Variants in ADCY5 observed in about 807,000 individuals in gnomAD.
ADCY5 encodes the protein adenylate cyclase 5.
A neutral mutation model predicts 119.7 loss-of-function variants in ADCY5; 30 were observed. The ratio of observed to expected loss-of-function variants is 0.25; its 90% CI spans 0.19 to 0.34. ADCY5 has a LOEUF of 0.34. Among genes scored for constraint, ADCY5 ranks in the 10% least tolerant of loss-of-function variants. ADCY5 has a pLI of 1.00. For missense variants in ADCY5, 1,324 were observed against 1,775.2 expected (o/e 0.75, Z 4.57); for synonymous variants, 753 against 762.2 (o/e 0.99, Z 0.20).
chr3:123,350,787 C>T (rs1213672893), intron 2 of ADCY5, among the ~76,000 whole-genome samples: 4 of 152,202 alleles, frequency 2.6e-5, no homozygotes, highest in Non-Finnish European at 5.9e-5. Context: ...CAGACTGGCC[C>T]GGGCAGAGCA....
chr3:123,291,076 C>A (rs1350087319), intron 18 of ADCY5, 37 bp downstream of exon 18: 1 of 1,583,036 alleles, frequency 6.3e-7, no homozygotes, highest in South Asian at 1.2e-5. Context: ...GTAGGCCCCT[C>A]CCAGGAACAC....
chr3:123,302,811 T>C (rs952483958), intron 14 of ADCY5, among the ~76,000 whole-genome samples: 2 of 152,210 alleles, frequency 1.3e-5, no homozygotes, highest in African/African-American at 4.8e-5. Context: ...CCACAGTCCC[T>C]GGTAAGCACT....
At chr3:123,399,588 T>C (rs982852792) in intron 1 of ADCY5, among the ~76,000 whole-genome samples, 1 of 152,154 alleles carries the variant, frequency 6.6e-6, no homozygotes. Flanking sequence ...GAGAGTACAT[T>C]ATTGTTAACT....
intron 1 of ADCY5, chr3:123,368,110 G>C (rs1436391319): frequency 7.5e-7 from 1 of 1,331,512 alleles, no homozygotes; most frequent in African/African-American, 1.5e-5. Context: ...GGAGCCCCAG[G>C]GGCCAGTCTT....
intron 19 of ADCY5, among the ~76,000 whole-genome samples, chr3:123,287,533 TC>T (rs1406978640): frequency 6.6e-6 from 1 of 152,176 alleles, no homozygotes; most frequent in African/African-American, 2.4e-5. Flanking sequence ...TCTCGTACTG[TC>T]CTCATTAGGC....
intron 1 of ADCY5, among the ~76,000 whole-genome samples, chr3:123,443,561 GAC>G (rs1200253568): frequency 1.3e-5 from 2 of 152,152 alleles, no homozygotes; most frequent in African/African-American, 2.4e-5. Context: ...CCTCGCTACA[GAC>G]ACACGTGCTC....
intron 1 of ADCY5, among the ~76,000 whole-genome samples, chr3:123,433,317 C>T (rs1017731853): frequency 3.9e-5 from 6 of 152,184 alleles, no homozygotes; most frequent in Admixed American, 3.3e-4. Context: ...CACTTCCCAG[C>T]TGGCATCACC....
rs397770125 is a variant in ADCY5, at chr3:123,393,605, T to TAAAA, written c.1135-41025_1135-41024insTTTT. ...TAAAATAAAATAAAATAAAATAAAA[T>TAAAA]GAGGGTGTGAGGGACAGCGTCACAT... On this transcript the variant is annotated intron_variant, in intron 1 of 20. Coordinates refer to ENST00000462833, the MANE Select transcript of ADCY5 (RefSeq NM_183357.3). 1.7e-3 allele frequency among the ~76,000 whole-genome samples: 253 copies of TAAAA among 150,860 alleles called. 1 individual carries two copies. The highest frequency in any genetic ancestry group is 5.8e-3 in the African/African-American group (234 of 40,410).
chr3:123,312,000 T>A (rs546892372), intron 12 of ADCY5, among the ~76,000 whole-genome samples: 1 of 152,264 alleles, frequency 6.6e-6, no homozygotes, highest in South Asian at 2.1e-4. Flanking sequence ...ATGATTTTCA[T>A]AACTCATCTT....
intron 18 of ADCY5, 128 bp from the exon 19 acceptor site, chr3:123,290,082 G>A: frequency 1.1e-6 from 1 of 910,968 alleles, no homozygotes; most frequent in Middle Eastern, 2.7e-4. Flanking sequence ...ACACAGTGGG[G>A]CCTGTCTCCA....
chr3:123,425,728 A>C (rs1576689199), intron 1 of ADCY5, among the ~76,000 whole-genome samples: 1 of 65,030 alleles, frequency 1.5e-5, no homozygotes. Context: ...CACACCACTC[A>C]CCCCAGGGAG....
At chr3:123,346,607 T>TTCTCTCTG (rs1942568236) in intron 3 of ADCY5, among the ~76,000 whole-genome samples, 1 of 128,072 alleles carries the variant, frequency 7.8e-6, no homozygotes, top group African/African-American at 2.6e-5. Context: ...CAGCCTCACC[T>TTCTCTCTG]TCTCTCTCTC....
At chr3:123,438,294 G>A (rs984296082) in intron 1 of ADCY5, among the ~76,000 whole-genome samples, 7 of 152,110 alleles carry the variant, frequency 4.6e-5, no homozygotes, top group African/African-American at 1.7e-4. Flanking sequence ...CATATTAAAA[G>A]CTTTAATGCC....
At chr3:123,425,476 C>T (rs1945387410) in intron 1 of ADCY5, among the ~76,000 whole-genome samples, 1 of 152,218 alleles carries the variant, frequency 6.6e-6, no homozygotes, top group South Asian at 2.1e-4. Flanking sequence ...TTGTGTTCCA[C>T]TGCATGTGTG....
intron 1 of ADCY5, among the ~76,000 whole-genome samples, chr3:123,414,516 G>A (rs1344675733): frequency 1.3e-5 from 2 of 152,182 alleles, no homozygotes; most frequent in African/African-American, 4.8e-5. Context: ...AGAGAAAGCA[G>A]CATTTCTGAG....
intron 1 of ADCY5, among the ~76,000 whole-genome samples, chr3:123,385,998 G>A (rs143727674): frequency 6.0e-4 from 92 of 152,260 alleles, no homozygotes; most frequent in Middle Eastern, 3.4e-3. Context: ...ACTGACCTGA[G>A]GTCAAAGCCT....
Position 123,319,665 on chromosome 3 carries a change from G to GTGCT in ADCY5, c.2256+5_2256+8dup. ...CACAGGGGCCTCCTTCCCACCCAGG[G>GTGCT]TGCTGTACCTTCTTCTCTAAGTCAG... On this transcript the variant is annotated intron_variant, in intron 10 of 20. Transcript: ENST00000462833. The GTGCT allele has an allele frequency of 1.2e-6, 2 of 1,613,984 alleles. No homozygotes were observed. The highest frequency in any genetic ancestry group is 1.7e-6 in the Non-Finnish European group (2 of 1,179,934).
chr3:123,383,730 G>C (rs1147742), intron 1 of ADCY5, among the ~76,000 whole-genome samples: 12 of 152,088 alleles, frequency 7.9e-5, no homozygotes, highest in Non-Finnish European at 1.8e-4. Context: ...GCAACCCAGA[G>C]GGAAAGGAAA....
chr3:123,411,687 A>G (rs1430129275), intron 1 of ADCY5, among the ~76,000 whole-genome samples: 4 of 152,188 alleles, frequency 2.6e-5, no homozygotes, highest in African/African-American at 9.6e-5. Context: ...CCAGAGGCAA[A>G]GCAGGGTGGG....
Sources: gnomAD v4.1 joint callset for allele counts (sites outside exome capture counted in the v4.1 genomes callset) on GRCh38, gnomAD v4.1.1 for gene constraint, MANE v1.5 for transcripts, NCBI Gene and HGNC (gene_info 2026-07-23, HGNC 2026-07-21) for gene names.